The following ALG5 variants were observed in gnomAD, a reference collection of about 807,000 sequenced individuals.
The protein encoded by ALG5 is ALG5 dolichyl-phosphate beta-glucosyltransferase.
ALG5 carries 26 observed loss-of-function variants against 51.8 expected under a neutral mutation model. The observed-to-expected ratio is 0.50, with a 90% CI of 0.37 to 0.70. ALG5 has a LOEUF of 0.70. Among genes scored for constraint, ALG5 ranks in the 30% least tolerant of loss-of-function variants. The pLI is 0.00. For synonymous variants in ALG5, 141 were observed against 136.1 expected, an observed-to-expected ratio of 1.04 and a Z score of -0.25; for missense variants, 311 against 399.3, an observed-to-expected ratio of 0.78 and a Z score of 1.88.
At chr13:36,976,968 A>T (rs567003178) in intron 6 of ALG5, among the ~76,000 whole-genome samples, 1 of 152,262 alleles carries the variant, frequency 6.6e-6, no homozygotes, top group South Asian at 2.1e-4. Flanking sequence ...AAAAGAACAT[A>T]CTTCTCCATT....
intron 5 of ALG5, among the ~76,000 whole-genome samples, chr13:36,989,272 A>G (rs187306536): frequency 7.9e-5 from 12 of 152,356 alleles, no homozygotes; most frequent in African/African-American, 2.9e-4. Context: ...TAAGATAAAC[A>G]TAAATACATA....
chr13:36,968,703 T>C (rs955920781), intron 7 of ALG5, among the ~76,000 whole-genome samples: 1 of 152,240 alleles, frequency 6.6e-6, no homozygotes, highest in Non-Finnish European at 1.5e-5. Context: ...TCATTTGCTA[T>C]CTTGATTAGT....
At chr13:36,989,136 CA>C (rs1459640165) in intron 5 of ALG5, among the ~76,000 whole-genome samples, 3 of 152,174 alleles carry the variant, frequency 2.0e-5, no homozygotes, top group African/African-American at 4.8e-5. Context: ...TGCTACCATG[CA>C]TAACAGCATA....
chr13:36,988,045 T>C (rs979589801), intron 5 of ALG5, among the ~76,000 whole-genome samples: 1 of 152,096 alleles, frequency 6.6e-6, no homozygotes, highest in Non-Finnish European at 1.5e-5. Context: ...TTGTTCATGT[T>C]CCCCGTCTAG....
At chr13:36,998,425 T>G (rs941901049) in intron 1 of ALG5, among the ~76,000 whole-genome samples, 1 of 152,172 alleles carries the variant, frequency 6.6e-6, no homozygotes, top group Non-Finnish European at 1.5e-5. Context: ...GCTGTCTAGG[T>G]GGCTAATCTG....
chr13:36,960,734 C>T (rs575891652), intron 8 of ALG5, among the ~76,000 whole-genome samples: 250 of 151,712 alleles, frequency 1.6e-3, no homozygotes, highest in Non-Finnish European at 2.9e-3. Flanking sequence ...CTCCACCTCC[C>T]GGGTTCAAGT....
In ALG5 at chr13:36,995,607, A is replaced by C. The variant is rs770071950; in HGVS notation, c.67-11T>G. The C allele has an allele frequency of 6.3e-7, 1 of 1,595,046 alleles. No individual in the cohort carries two copies. The highest frequency in any genetic ancestry group is 1.2e-5 in the South Asian group (1 of 86,204). The stretch of plus-strand genomic sequence containing the variant: ...TGCAACGATGGAAATCTAAAAGCAG[A>C]CATACATGTCTTTTACAAAACAGAA... On this transcript the variant is annotated splice_polypyrimidine_tract_variant and intron_variant, in intron 1 of 9. Coordinates refer to ENST00000239891, the MANE Select transcript of ALG5 (RefSeq NM_013338.5).
intron 4 of ALG5, 56 bp from the exon 5 acceptor site, chr13:36,989,632 T>C (rs1475011844): frequency 2.9e-6 from 4 of 1,389,512 alleles, no homozygotes; most frequent in African/African-American, 2.9e-5. Context: ...GAGAATTATA[T>C]AAGCTGTGTT....
intron 7 of ALG5, among the ~76,000 whole-genome samples, chr13:36,966,990 A>G (rs2058897087): frequency 6.6e-6 from 1 of 152,116 alleles, no homozygotes; most frequent in Admixed American, 6.5e-5. Context: ...TGGGAGGCCG[A>G]GGCAGGTGGA....
intron 8 of ALG5, among the ~76,000 whole-genome samples, chr13:36,960,777 G>T (rs1022988524): frequency 6.6e-6 from 1 of 151,722 alleles, no homozygotes; most frequent in Admixed American, 6.6e-5. Flanking sequence ...GAGTAGCTAG[G>T]ATTACAGGTG....
intron 2 of ALG5, 72 bp downstream of exon 2, chr13:36,995,353 G>C: frequency 6.8e-7 from 1 of 1,476,880 alleles, no homozygotes; most frequent in African/African-American, 1.4e-5. Flanking sequence ...CAAAGACAGT[G>C]AAGTCAAATA....
intron 1 of ALG5, among the ~76,000 whole-genome samples, chr13:36,997,004 C>T (rs941525317): frequency 6.6e-6 from 1 of 152,172 alleles, no homozygotes; most frequent in South Asian, 2.1e-4. Context: ...AGAAGCATCA[C>T]TCACAATTTT....
chr13:36,984,149 A>G (rs1321330447), intron 6 of ALG5, among the ~76,000 whole-genome samples: 1 of 145,426 alleles, frequency 6.9e-6, no homozygotes, highest in Admixed American at 7.0e-5. Context: ...CTGAGGCTGG[A>G]GTGCGGTGGG....
intron 6 of ALG5, among the ~76,000 whole-genome samples, chr13:36,984,047 T>C (rs1434244483): frequency 2.0e-5 from 3 of 152,050 alleles, no homozygotes; most frequent in African/African-American, 2.4e-5. Flanking sequence ...CATTCATAGA[T>C]AGTTTTACAT....
At chr13:36,994,966 T>C (rs2059042332) in intron 3 of ALG5, 23 bp downstream of exon 3, 2 of 1,602,702 alleles carry the variant, frequency 1.2e-6, no homozygotes, top group Non-Finnish European at 1.7e-6. Context: ...GGAGATATCA[T>C]ATTAAAAGAG....
At chr13:36,959,168 A>G (rs997703972) in intron 8 of ALG5, among the ~76,000 whole-genome samples, 2 of 152,140 alleles carry the variant, frequency 1.3e-5, no homozygotes, top group Non-Finnish European at 2.9e-5. Flanking sequence ...CATCAAACAC[A>G]TAGAGGCAGA....
chr13:36,979,203 A>G (rs1451495969), intron 6 of ALG5, among the ~76,000 whole-genome samples: 1 of 151,994 alleles, frequency 6.6e-6, no homozygotes, highest in African/African-American at 2.4e-5. Flanking sequence ...TTTTTAGTAG[A>G]GATGGGGTTT....
At chr13:36,959,634 CCTT>C (rs1355453757) in intron 8 of ALG5, among the ~76,000 whole-genome samples, 1 of 152,012 alleles carries the variant, frequency 6.6e-6, no homozygotes, top group African/African-American at 2.4e-5. Flanking sequence ...GAATTGGACT[CCTT>C]CACAGAAGTA....
chr13:36,973,858 AATGCG>A (rs1262478182), intron 6 of ALG5, among the ~76,000 whole-genome samples: 1 of 152,222 alleles, frequency 6.6e-6, no homozygotes, highest in Non-Finnish European at 1.5e-5. Context: ...TTCCAAGAGT[AATGCG>A]AATAAAACCT....
Sources: gnomAD v4.1 joint callset for allele counts (sites outside exome capture counted in the v4.1 genomes callset) on GRCh38, gnomAD v4.1.1 for gene constraint, MANE v1.5 for transcripts, NCBI Gene and HGNC (gene_info 2026-07-23, HGNC 2026-07-21) for gene names.